Variants in EFCAB6 observed in about 807,000 individuals in gnomAD.
EFCAB6 encodes the protein EF-hand calcium binding domain 6, also known as EF-hand calcium-binding domain-containing protein 6.
EFCAB6 carries 156 observed loss-of-function variants against 169.8 expected under a neutral mutation model. That is an observed-to-expected ratio of 0.92 (90% CI 0.81 to 1.05). The LOEUF (loss-of-function observed/expected upper bound fraction) is 1.05. Among genes scored for constraint, EFCAB6 ranks in the 50% least tolerant of loss-of-function variants. The pLI is 0.00. For missense variants in EFCAB6, 1,800 were observed against 1,829.1 expected (o/e 0.98, Z 0.29); for synonymous variants, 698 against 676.4 (o/e 1.03, Z -0.50).
At chr22:43,543,312 G>A (rs533089643) in intron 27 of EFCAB6, among the ~76,000 whole-genome samples, 1 of 152,206 alleles carries the variant, frequency 6.6e-6, no homozygotes, top group South Asian at 2.1e-4. Flanking sequence ...GGACAGCTGG[G>A]GGACCCAGCC....
At position 43,754,008 on chromosome 22, in the gene EFCAB6, G is replaced by C. The variant is rs181323422; in HGVS notation, c.507+1758C>G. Among the ~76,000 whole-genome samples the C allele has an allele frequency of 4.3e-4, 65 of 152,294 alleles. No individual in the cohort carries two copies. In the South Asian group the frequency reaches 7.7e-3, roughly 18 times the overall value. On this transcript the variant is annotated intron_variant, in intron 6 of 31. Coordinates refer to ENST00000262726, the MANE Select transcript of EFCAB6 (RefSeq NM_022785.4). ...TTCTCAGTCTCCAACATTAGTGTGT[G>C]ACCGTTAGAAGGGTCAGAGTCTTCA...
At chr22:43,566,244 C>G (rs1375873767) in intron 26 of EFCAB6, among the ~76,000 whole-genome samples, 1 of 152,200 alleles carries the variant, frequency 6.6e-6, no homozygotes, top group African/African-American at 2.4e-5. Flanking sequence ...GGCAGTTTCA[C>G]CAGATTTCCA....
intron 8 of EFCAB6, among the ~76,000 whole-genome samples, chr22:43,730,132 T>C (rs1057334144): frequency 6.8e-6 from 1 of 146,054 alleles, no homozygotes; most frequent in Non-Finnish European, 1.5e-5. Context: ...CAGTGAGCTA[T>C]GATCGTGTCA....
intron 2 of EFCAB6, among the ~76,000 whole-genome samples, chr22:43,801,550 G>A (rs2062714697): frequency 6.6e-6 from 1 of 152,110 alleles, no homozygotes; most frequent in Non-Finnish European, 1.5e-5. Context: ...TAATATAAAA[G>A]TATGTAAATT....
At chr22:43,645,126 T>C (rs1473781732) in intron 17 of EFCAB6, among the ~76,000 whole-genome samples, 1 of 152,204 alleles carries the variant, frequency 6.6e-6, no homozygotes, top group Non-Finnish European at 1.5e-5. Context: ...AGGTCTTGTG[T>C]ATCTGTGGCA....
chr22:43,776,524 T>C (rs1041946529), intron 3 of EFCAB6, among the ~76,000 whole-genome samples: 1 of 152,016 alleles, frequency 6.6e-6, no homozygotes, highest in African/African-American at 2.4e-5. Flanking sequence ...TTAGAGGGGA[T>C]GGTCAAGGAA....
At chr22:43,739,825 C>T (rs993990658) in intron 6 of EFCAB6, among the ~76,000 whole-genome samples, 6 of 152,016 alleles carry the variant, frequency 3.9e-5, no homozygotes, top group African/African-American at 7.2e-5. Flanking sequence ...GCAAGCCTCC[C>T]GCTTGGTCCT....
chr22:43,595,479 A>G (rs1423067024), intron 23 of EFCAB6, among the ~76,000 whole-genome samples: 1 of 152,144 alleles, frequency 6.6e-6, no homozygotes, highest in African/African-American at 2.4e-5. Flanking sequence ...AGAGACTGCT[A>G]TGAAAAACTA....
intron 6 of EFCAB6, among the ~76,000 whole-genome samples, chr22:43,748,931 T>C (rs2060659418): frequency 6.6e-6 from 1 of 152,138 alleles, no homozygotes; most frequent in African/African-American, 2.4e-5. Flanking sequence ...GGCTTATGTT[T>C]TGAACGGATA....
chr22:43,569,708 C>G (rs1184642297), intron 26 of EFCAB6, among the ~76,000 whole-genome samples: 2 of 152,254 alleles, frequency 1.3e-5, no homozygotes, highest in Non-Finnish European at 2.9e-5. Context: ...TGAGTTACCC[C>G]TCAAGACTTG....
At chr22:43,546,291 G>A (rs1279489034) in intron 27 of EFCAB6, among the ~76,000 whole-genome samples, 1 of 152,174 alleles carries the variant, frequency 6.6e-6, no homozygotes, top group Non-Finnish European at 1.5e-5. Flanking sequence ...AGACACAGTT[G>A]AGGAGAGAGA....
rs370488250 is a variant in EFCAB6 at position 43,716,897 on chromosome 22, A to G, written c.833T>C (p.Ile278Thr). Residue 278 changes from isoleucine to threonine, a missense_variant, in exon 9 of 32, where the codon ATC becomes ACC. Transcript: ENST00000262726. Reference protein sequence around the residue: ...RLLGSASSEDIWRNYSLDEIE... With the variant: ...RLLGSASSEDTWRNYSLDEIE... ...TTCATCCAAGGAGTAGTTTCTCCAG[A>G]TATCTTCAGATGATGCAGAACCTAG... 64 of 1,603,880 alleles carry G rather than the reference A, an allele frequency of 4.0e-5. No homozygotes were observed. The highest frequency in any genetic ancestry group is 5.0e-5 in the Non-Finnish European group (59 of 1,175,710).
chr22:43,804,790 A>C (rs1271160257), intron 2 of EFCAB6, among the ~76,000 whole-genome samples: 1 of 152,018 alleles, frequency 6.6e-6, no homozygotes. Context: ...CAGAGGATAA[A>C]TAAACACAAT....
At chr22:43,656,426 T>C (rs904708783) in intron 17 of EFCAB6, among the ~76,000 whole-genome samples, 1 of 150,548 alleles carries the variant, frequency 6.6e-6, no homozygotes, top group Non-Finnish European at 1.5e-5. Context: ...AAAAACAATG[T>C]GGTAAGGATA....
chr22:43,704,851 C>T (rs1488454478), intron 10 of EFCAB6, among the ~76,000 whole-genome samples: 1 of 151,970 alleles, frequency 6.6e-6, no homozygotes, highest in Non-Finnish European at 1.5e-5. Context: ...AAAATGCCTA[C>T]AAAACAACCA....
rs952281875 is a variant in EFCAB6 at position 43,688,481 on chromosome 22, A to G, written c.1032-900T>C. ...ATATGGTCCCATGACTCAGAGTCCA[A>G]TAATTTCAGAGTTATAAGATTCCTG... On this transcript the variant is annotated intron_variant, in intron 10 of 31. Coordinates refer to ENST00000262726, the MANE Select transcript of EFCAB6 (RefSeq NM_022785.4). 2.0e-5 allele frequency among the ~76,000 whole-genome samples: 3 copies of G among 152,336 alleles called. No homozygotes were observed. In the East Asian group the frequency reaches 5.8e-4, roughly 29 times the overall value.
chr22:43,620,491 C>A (rs2054044841), intron 20 of EFCAB6, among the ~76,000 whole-genome samples: 1 of 152,000 alleles, frequency 6.6e-6, no homozygotes, highest in South Asian at 2.1e-4. Context: ...AACTCTATAT[C>A]CAGCAAAAAT....
intron 19 of EFCAB6, among the ~76,000 whole-genome samples, chr22:43,627,322 C>T (rs1029946443): frequency 6.6e-6 from 1 of 152,162 alleles, no homozygotes; most frequent in Non-Finnish European, 1.5e-5. Flanking sequence ...TGTGATGGAG[C>T]GTGCACTCTG....
chr22:43,696,084 T>A (rs1427176897), intron 10 of EFCAB6, among the ~76,000 whole-genome samples: 1 of 151,858 alleles, frequency 6.6e-6, no homozygotes, highest in Non-Finnish European at 1.5e-5. Flanking sequence ...ATACTCAGAG[T>A]ATATAAAGAA....
Sources: gnomAD v4.1 joint callset for allele counts (sites outside exome capture counted in the v4.1 genomes callset) on GRCh38, gnomAD v4.1.1 for gene constraint, MANE v1.5 for transcripts, NCBI Gene and HGNC (gene_info 2026-07-23, HGNC 2026-07-21) for gene names.